The following NTHL1 variants were observed in gnomAD, a reference collection of about 807,000 sequenced individuals.
The protein encoded by NTHL1 is endonuclease III-like protein 1.
NTHL1 carries 32 observed loss-of-function variants against 32.3 expected under a neutral mutation model. The ratio of observed to expected loss-of-function variants is 0.99; its 90% CI spans 0.75 to 1.33. The LOEUF (loss-of-function observed/expected upper bound fraction) is 1.33. NTHL1 is among the 40% of genes most tolerant of loss of function. NTHL1 has a pLI of 0.00. For synonymous variants in NTHL1, 188 were observed against 176.9 expected (o/e 1.06, Z -0.50); for missense variants, 501 against 414.1 (o/e 1.21, Z -1.82).
chr16:2,046,093 G>T, intron 2 of NTHL1, 35 bp downstream of exon 2: 2 of 1,538,676 alleles, frequency 1.3e-6, no homozygotes, highest in South Asian at 1.1e-5. Context: ...TTGCTAAGAT[G>T]GGGGGTCATC....
intron 5 of NTHL1, 29 bp downstream of exon 5, chr16:2,040,104 T>C: frequency 1.9e-6 from 3 of 1,612,522 alleles, no homozygotes; most frequent in South Asian, 2.2e-5. Context: ...TGAGCTCTTC[T>C]CCCTAGGAAG....
chr16:2,041,666 G>A (rs2084270237), intron 4 of NTHL1, among the ~76,000 whole-genome samples: 1 of 150,468 alleles, frequency 6.6e-6, no homozygotes, highest in African/African-American at 2.4e-5. Context: ...GGAGTACACT[G>A]GCGCGATCTC....
At chr16:2,040,561 G>C in intron 4 of NTHL1, 1 of 476,796 alleles carries the variant, frequency 2.1e-6, no homozygotes, top group East Asian at 3.9e-5. Context: ...GCAGGGCCTG[G>C]GGGTGATGAC....
Position 2,044,967 on chromosome 16 carries a change from A to T in NTHL1, c.355-167T>A, listed in dbSNP as rs1460941253. On this transcript the variant is annotated intron_variant, in intron 2 of 5. Transcript: ENST00000651570. This position sits in a 1 kb window ranked among gnomAD's most constrained non-coding sequence, Gnocchi z 5.0. ...AGGTCTGGTTTGGGTATGTTTGGTC[A>T]TCTACAACACCAGGACAATAATAGT... is the stretch of plus-strand genomic sequence containing the variant. 16 of 656,000 alleles carry T rather than the reference A, an allele frequency of 2.4e-5. No individual in the cohort carries two copies. The East Asian group carries it at 4.1e-4, about 17-fold the overall frequency. 40.6% of individuals were successfully genotyped at this position (656,000 alleles called of 1,614,324 possible).
chr16:2,044,797 G>A lies in NTHL1; in HGVS notation c.358C>T (p.Arg120Cys), dbSNP rs370228590. Residue 120 changes from arginine to cysteine, a missense_variant, in exon 3 of 6, where the codon CGC becomes TGC. By Grantham distance (180) the Arg-to-Cys change is radical. Transcript: ENST00000651570. This position sits in a 1 kb window ranked among gnomAD's most constrained non-coding sequence, Gnocchi z 5.0. ...AGTGACAGCAGCACCTGGTACCTGC[G>A]TACCTGCTTGTGCAGTGACAGGGAC... ...CYDSSAPPKV[R>C]RYQVLLSLML... is the part of the protein sequence containing the mutation. 9 of 1,602,562 alleles carry A rather than the reference G, an allele frequency of 5.6e-6. No homozygotes were observed. The highest frequency in any genetic ancestry group is 1.1e-5 in the South Asian group (1 of 90,026).
In NTHL1 at chr16:2,043,794, C is replaced by T; in HGVS notation, c.526-68G>A. On this transcript the variant is annotated intron_variant, in intron 3 of 5. Transcript: ENST00000651570. The surrounding 1 kb of genome is among the most constrained non-coding windows in gnomAD (Gnocchi z 4.4). ...GCCCAACCTGGGAGGATGCAGCCCC[C>T]AGGAGACCCACAGGTGGCCAGAGCT... 1.9e-6 allele frequency: 3 copies of T among 1,587,202 alleles called. No individual in the cohort carries two copies. Among genetic ancestry groups the T allele is most frequent in the Non-Finnish European group, 2.6e-6 (3 of 1,167,568 alleles).
Position 2,039,828 on chromosome 16 carries a change from C to T in NTHL1, c.*96G>A, listed in dbSNP as rs2084234077. 1.3e-6 allele frequency: 2 copies of T among 1,561,178 alleles called. No individual in the cohort carries two copies. Among genetic ancestry groups the T allele is most frequent in the Non-Finnish European group, 1.7e-6 (2 of 1,150,124 alleles). On this transcript the variant is annotated 3_prime_UTR_variant, in exon 6 of 6. Coordinates refer to ENST00000651570, the MANE Select transcript of NTHL1 (RefSeq NM_002528.7). ...ATCAGCCAGATCCCATCTGCAAACA[C>T]ACCAAAGCTTTATTCAACAGGCGTG...
chr16:2,047,495 C>A (rs2084492075), intron 1 of NTHL1: 9 of 743,708 alleles, frequency 1.2e-5, no homozygotes, highest in Non-Finnish European at 1.3e-5. Flanking sequence ...AAGGGGGCAG[C>A]GGAGCGGAGC....
chr16:2,047,706 T>C lies in NTHL1; in HGVS notation c.115+3A>G, dbSNP rs1206872458. On this transcript the variant is annotated splice_donor_region_variant and intron_variant, in intron 1 of 5. Coordinates refer to ENST00000651570, the MANE Select transcript of NTHL1 (RefSeq NM_002528.7). Reference sequence around the variant, plus strand: ...CCACGCTCCAGCCACGGCGCGGCGCTACCTGCTGCAGCCTCTCTTCTCCGG... The same window carrying C: ...CCACGCTCCAGCCACGGCGCGGCGCCACCTGCTGCAGCCTCTCTTCTCCGG... 2.5e-6 allele frequency: 4 copies of C among 1,576,068 alleles called. No individual in the cohort carries two copies. Among genetic ancestry groups the C allele is most frequent in the South Asian group, 2.3e-5 (2 of 87,454 alleles).
rs552723791 is a variant in NTHL1, at chr16:2,047,828, G to C, written c.-5C>G. Reference sequence around the variant, plus strand: ...CCTCGCGCTCAAGGCGGTCATGCCGGACTCCTGCGGACTACACATCCCGGC... The same window carrying C: ...CCTCGCGCTCAAGGCGGTCATGCCGCACTCCTGCGGACTACACATCCCGGC... On this transcript the variant is annotated 5_prime_UTR_variant, in exon 1 of 6. Coordinates refer to ENST00000651570, the MANE Select transcript of NTHL1 (RefSeq NM_002528.7). The C allele has an allele frequency of 2.8e-5, 45 of 1,594,040 alleles. 1 individual carries two copies. In the South Asian group the frequency reaches 4.8e-4, roughly 17 times the overall value.
intron 4 of NTHL1, 104 bp from the exon 5 acceptor site, chr16:2,040,342 G>A (rs1201366406): frequency 2.9e-6 from 3 of 1,044,362 alleles, no homozygotes; most frequent in Non-Finnish European, 4.4e-6. Context: ...TGGCCCTCCA[G>A]TTAGACATTG....
Position 2,039,915 on chromosome 16 carries a change from A to T in NTHL1, c.*9T>A. The T allele has an allele frequency of 6.2e-7, 1 of 1,600,650 alleles. No homozygotes were observed. Among genetic ancestry groups the T allele is most frequent in the Non-Finnish European group, 8.5e-7 (1 of 1,179,824 alleles). ...CCACAGCGGCACCTCGGCCAGAGCC[A>T]TGCGGCCATCAGAGACCCTGGGCGG... On this transcript the variant is annotated 3_prime_UTR_variant, in exon 6 of 6. Transcript: ENST00000651570.
chr16:2,044,023 G>C lies in NTHL1; in HGVS notation c.526-297C>G, dbSNP rs960596086. The C allele has an allele frequency of 6.4e-6, 3 of 470,878 alleles. No homozygotes were observed. Among genetic ancestry groups the C allele is most frequent in the African/African-American group, 5.9e-5 (3 of 50,990 alleles). The allele number at this position is 470,878 out of a possible 1,614,324, so 29.2% of individuals were successfully genotyped here. A position where few individuals can be genotyped will look rare whatever the true frequency, so the allele number is the denominator to read the frequency against. On this transcript the variant is annotated intron_variant, in intron 3 of 5. Transcript: ENST00000651570. This position sits in a 1 kb window ranked among gnomAD's most constrained non-coding sequence, Gnocchi z 5.0. ...CCAGGCCAGGCCAAGCAGGCCAGCC[G>C]CTCCCAGGAGTGGGGCTTGGCTGCA...
At chr16:2,045,011 A>C (rs1242314735) in intron 2 of NTHL1, among the ~76,000 whole-genome samples, 1 of 152,182 alleles carries the variant, frequency 6.6e-6, no homozygotes, top group Non-Finnish European at 1.5e-5. Context: ...CACTGGAGTA[A>C]TGTGAAGCTT....
In NTHL1 at chr16:2,045,186, C is replaced by G. The variant is rs111904996; in HGVS notation, c.355-386G>C. 7.2e-3 allele frequency among the ~76,000 whole-genome samples: 1,093 copies of G among 152,064 alleles called. 10 individuals are homozygous for G. The highest frequency in any genetic ancestry group is 0.025 in the African/African-American group (1,037 of 41,494). On this transcript the variant is annotated intron_variant, in intron 2 of 5. Coordinates refer to ENST00000651570, the MANE Select transcript of NTHL1 (RefSeq NM_002528.7). The stretch of plus-strand genomic sequence containing the variant: ...ACCCCGTCTCTACTAAAAATACAAA[C>G]ATTAGCTGGGTGCGGTGGTGCATGC...
rs770489099 is a variant in NTHL1 at position 2,047,491 on chromosome 16, G to A, written c.115+218C>T. The stretch of plus-strand genomic sequence containing the variant: ...GTTTTCTTGCTTGGGGCGAAAGGGG[G>A]CAGCGGAGCGGAGCGCCCGAAACCC... On this transcript the variant is annotated intron_variant, in intron 1 of 5. Coordinates refer to ENST00000651570, the MANE Select transcript of NTHL1 (RefSeq NM_002528.7). 1.9e-4 allele frequency: 135 copies of A among 713,454 alleles called. 1 individual carries two copies. The highest frequency in any genetic ancestry group is 2.9e-4 in the Non-Finnish European group (130 of 447,678). The allele number at this position is 713,454 out of a possible 1,614,324, so 44.2% of individuals were successfully genotyped here. A position where few individuals can be genotyped will look rare whatever the true frequency, so the allele number is the denominator to read the frequency against.
At position 2,040,056 on chromosome 16, in the gene NTHL1, G is replaced by A. The variant is rs200714075; in HGVS notation, c.792-9C>T. The A allele has an allele frequency of 1.5e-5, 24 of 1,612,514 alleles. No homozygotes were observed. On this transcript the variant is annotated splice_polypyrimidine_tract_variant and intron_variant, in intron 5 of 5. Transcript: ENST00000651570. ...TCTCGTGCCACAGCTCCCTGTGGGG[G>A]TGGGGGCTGGGTCAGTGCTGACAGA... is the stretch of plus-strand genomic sequence containing the variant.
At position 2,043,701 on chromosome 16, in the gene NTHL1, G is replaced by C. The variant is rs1243274364; in HGVS notation, c.551C>G (p.Thr184Ser). The change falls in exon 4 of 6, where the codon ACC becomes AGC. Residue 184 changes from threonine (T) to serine (S), a missense_variant. Thr to Ser is a moderately conservative substitution (Grantham distance 58). Transcript: ENST00000651570. The surrounding 1 kb of genome is among the most constrained non-coding windows in gnomAD (Gnocchi z 4.4). The part of the protein sequence containing the change: ...WRSKVKYIKQ[T>S]SAILQQHYGG... ...GTAGTGCTGCTGCAGGATGGCGCTG[G>C]TCTGCTTGATGTATTTCACCTTGCT... 4 of 1,612,016 alleles carry C rather than the reference G, an allele frequency of 2.5e-6. No individual in the cohort carries two copies. Among genetic ancestry groups the C allele is most frequent in the Non-Finnish European group, 3.4e-6 (4 of 1,179,976 alleles).
intron 4 of NTHL1, among the ~76,000 whole-genome samples, chr16:2,042,624 G>A (rs1424128334): frequency 6.6e-6 from 1 of 152,080 alleles, no homozygotes; most frequent in African/African-American, 2.4e-5. Flanking sequence ...TGTGGCCTTA[G>A]GAGCCCCAAA....
Sources: gnomAD v4.1 joint callset for allele counts (sites outside exome capture counted in the v4.1 genomes callset) on GRCh38, gnomAD v4.1.1 for gene constraint, Gnocchi (gnomAD v3.1) non-coding constraint, MANE v1.5 for transcripts, NCBI Gene and HGNC (gene_info 2026-07-23, HGNC 2026-07-21) for gene names.